FBXL17: variants seen among roughly 807,000 people sequenced by gnomAD.
The protein encoded by FBXL17 is F-box/LRR-repeat protein 17.
In FBXL17, 22 loss-of-function variants were observed where a neutral mutation model predicts 66.2. The ratio of observed to expected loss-of-function variants is 0.33; its 90% CI spans 0.24 to 0.47. FBXL17 has a LOEUF of 0.47. FBXL17 is among the 20% of genes least tolerant of loss of function. The pLI is 1.00. For synonymous variants in FBXL17, 474 were observed against 400.5 expected (o/e 1.18, Z -2.19); for missense variants, 878 against 948.2 (o/e 0.93, Z 0.97).
chr5:107,887,833 G>A lies in FBXL17; in HGVS notation c.1823-6654C>T, dbSNP rs182529629. Among the ~76,000 whole-genome samples, 7 of 152,286 alleles carry A rather than the reference G, an allele frequency of 4.6e-5. No individual in the cohort carries two copies. The East Asian group carries it at 1.4e-3, about 29-fold the overall frequency. ...TTCCGGAGAAGCTATAAAAGTTTCT[G>A]TGATCCTGATGTGCAGCTAGGGCTG... On this transcript the variant is annotated intron_variant, in intron 7 of 8. Transcript: ENST00000542267.
intron 6 of FBXL17, among the ~76,000 whole-genome samples, chr5:108,154,850 C>T (rs1561437468): frequency 2.0e-5 from 3 of 151,538 alleles, no homozygotes; most frequent in Non-Finnish European, 4.4e-5. Flanking sequence ...TAGGAAGGAC[C>T]TAATCCTTAC....
chr5:108,210,606 T>C (rs1277919706), intron 5 of FBXL17, among the ~76,000 whole-genome samples: 1 of 152,226 alleles, frequency 6.6e-6, no homozygotes, highest in Non-Finnish European at 1.5e-5. Flanking sequence ...TCAGTTTCCA[T>C]GTAGTTGTGC....
At chr5:108,152,458 G>A (rs1338151197) in intron 6 of FBXL17, among the ~76,000 whole-genome samples, 1 of 151,974 alleles carries the variant, frequency 6.6e-6, no homozygotes, top group Non-Finnish European at 1.5e-5. Context: ...AAATATGAGG[G>A]GATATACTGA....
At chr5:107,879,998 A>G in intron 8 of FBXL17, 8 of 702,764 alleles carry the variant, frequency 1.1e-5, no homozygotes, top group Non-Finnish European at 1.4e-5. Context: ...TATTTCTTAG[A>G]CTTGTTATAG....
chr5:108,153,945 C>G (rs1020400882), intron 6 of FBXL17, among the ~76,000 whole-genome samples: 4 of 152,144 alleles, frequency 2.6e-5, no homozygotes, highest in African/African-American at 4.8e-5. Context: ...TTCCTTCTTG[C>G]AGGAAGTGTT....
chr5:108,345,636 C>G (rs1037222509), intron 4 of FBXL17, among the ~76,000 whole-genome samples: 4 of 150,236 alleles, frequency 2.7e-5, no homozygotes, highest in African/African-American at 9.8e-5. Flanking sequence ...ACATAAAGAA[C>G]AAAAATGTAA....
chr5:107,995,964 C>G (rs973910590), intron 7 of FBXL17, among the ~76,000 whole-genome samples: 2 of 152,156 alleles, frequency 1.3e-5, no homozygotes, highest in African/African-American at 4.8e-5. Context: ...CTATAAAAGA[C>G]AATACACCTC....
Position 108,009,282 on chromosome 5 carries a change from T to TAGATAGATAGATAG in FBXL17, c.1822+11642_1822+11643insCTATCTATCTATCT, listed in dbSNP as rs1216444049. The stretch of plus-strand genomic sequence containing the variant: ...TGTTTTATATATATATATATATATA[T>TAGATAGATAGATAG]ATATATATATATATATATACATATA... On this transcript the variant is annotated intron_variant, in intron 7 of 8. Transcript: ENST00000542267. 5.5e-4 allele frequency among the ~76,000 whole-genome samples: 30 copies of TAGATAGATAGATAG among 54,756 alleles called. 3 individuals are homozygous for TAGATAGATAGATAG. Among genetic ancestry groups the TAGATAGATAGATAG allele is most frequent in the Admixed American group, 1.1e-3 (5 of 4,628 alleles). The allele number at this position is 54,756 out of a possible 152,430, so 35.9% of individuals were successfully genotyped here.
At chr5:107,979,109 A>G (rs780516470) in intron 7 of FBXL17, among the ~76,000 whole-genome samples, 4 of 152,344 alleles carry the variant, frequency 2.6e-5, no homozygotes, top group African/African-American at 9.6e-5. Flanking sequence ...AGTTCCTGAC[A>G]TACATTAAGA....
At position 107,948,721 on chromosome 5, in the gene FBXL17, A is replaced by C. The variant is rs187394085; in HGVS notation, c.1823-67542T>G. Among the ~76,000 whole-genome samples the C allele has an allele frequency of 2.2e-3, 337 of 152,252 alleles. 3 individuals carry two copies. Among genetic ancestry groups the C allele is most frequent in the Middle Eastern group, 0.017 (5 of 294 alleles). Reference sequence around the variant, plus strand: ...TGATTTAATTCCTGCCTTCCTTTCCATCATTAACTAGTTATGTGAGATTGA... The same window carrying C: ...TGATTTAATTCCTGCCTTCCTTTCCCTCATTAACTAGTTATGTGAGATTGA... On this transcript the variant is annotated intron_variant, in intron 7 of 8. Coordinates refer to ENST00000542267, the MANE Select transcript of FBXL17 (RefSeq NM_001163315.3).
chr5:108,333,758 A>G (rs1367368969), intron 4 of FBXL17, among the ~76,000 whole-genome samples: 1 of 152,158 alleles, frequency 6.6e-6, no homozygotes, highest in African/African-American at 2.4e-5. Context: ...AAAAACCCCA[A>G]TGAGATTGTC....
intron 6 of FBXL17, among the ~76,000 whole-genome samples, chr5:108,169,034 G>A (rs1752512005): frequency 6.6e-6 from 1 of 152,124 alleles, no homozygotes; most frequent in South Asian, 2.1e-4. Flanking sequence ...ATGGAAGACG[G>A]CCATCAAGCA....
At chr5:108,283,778 T>C (rs918237550) in intron 4 of FBXL17, among the ~76,000 whole-genome samples, 1 of 151,772 alleles carries the variant, frequency 6.6e-6, no homozygotes, top group African/African-American at 2.4e-5. Context: ...TTGCAAACTA[T>C]TCATCCAACA....
intron 7 of FBXL17, among the ~76,000 whole-genome samples, chr5:107,999,039 G>C (rs1753601200): frequency 6.6e-6 from 1 of 152,142 alleles, no homozygotes; most frequent in Admixed American, 6.6e-5. Flanking sequence ...CAGGTCTGCT[G>C]GCGATCTCTC....
intron 7 of FBXL17, among the ~76,000 whole-genome samples, chr5:107,953,340 T>C (rs1751560573): frequency 7.0e-6 from 1 of 143,320 alleles, no homozygotes. Flanking sequence ...GAAGTGGAGC[T>C]TGCAGTGAGC....
At chr5:108,121,922 T>G (rs1388799370) in intron 6 of FBXL17, among the ~76,000 whole-genome samples, 1 of 152,168 alleles carries the variant, frequency 6.6e-6, no homozygotes, top group Non-Finnish European at 1.5e-5. Flanking sequence ...CAAGAGATAC[T>G]TTGTTACTCT....
intron 6 of FBXL17, among the ~76,000 whole-genome samples, chr5:108,081,861 T>C (rs558310379): frequency 6.6e-6 from 1 of 151,724 alleles, no homozygotes; most frequent in East Asian, 1.9e-4. Flanking sequence ...CTCATCCAGC[T>C]TCCCTCCCGC....
intron 7 of FBXL17, among the ~76,000 whole-genome samples, chr5:108,012,648 T>C (rs1050029638): frequency 3.9e-5 from 6 of 152,210 alleles, no homozygotes; most frequent in Non-Finnish European, 7.3e-5. Flanking sequence ...ATGCATACTA[T>C]AGTGTTACGC....
At chr5:108,205,338 T>A (rs1263798809) in intron 5 of FBXL17, among the ~76,000 whole-genome samples, 1 of 152,164 alleles carries the variant, frequency 6.6e-6, no homozygotes, top group Non-Finnish European at 1.5e-5. Flanking sequence ...GTAAATAAAG[T>A]ATGTGTCTCT....
Sources: allele counts gnomAD v4.1 joint callset (sites outside exome capture counted in the v4.1 genomes callset), GRCh38; gene constraint gnomAD v4.1.1; transcripts MANE v1.5; gene names NCBI Gene and HGNC (gene_info 2026-07-23, HGNC 2026-07-21).